Variants in RASA3 observed in about 807,000 individuals in gnomAD.
The protein encoded by RASA3 is ras GTPase-activating protein 3.
RASA3 carries 73 observed loss-of-function variants against 110.0 expected under a neutral mutation model. That is an observed-to-expected ratio of 0.66 (90% CI 0.55 to 0.81). The LOEUF (loss-of-function observed/expected upper bound fraction) is 0.81, where lower values mean the gene tolerates loss of function less well. RASA3 is among the 30% of genes least tolerant of loss of function. The pLI, the probability that RASA3 is intolerant of heterozygous loss-of-function variation, is 0.00. For synonymous variants in RASA3, 500 were observed against 451.4 expected (o/e 1.11, Z -1.37); for missense variants, 976 against 1,113.2 (o/e 0.88, Z 1.75).
At chr13:114,072,765 G>A (rs1000746778) in intron 2 of RASA3, among the ~76,000 whole-genome samples, 2 of 152,204 alleles carry the variant, frequency 1.3e-5, no homozygotes, top group African/African-American at 4.8e-5. Context: ...TAAGCAGGAG[G>A]AAAATGGGAA....
chr13:114,115,359 C>A lies in RASA3; in HGVS notation c.55+17076G>T, dbSNP rs2080263046. On this transcript the variant is annotated intron_variant, in intron 1 of 23. Transcript: ENST00000334062. This position sits in a 1 kb window ranked among gnomAD's most constrained non-coding sequence, Gnocchi z 5.0. ...CACAGAGGCTGGACAGTCACACCGACCCTTGGCCCGGGCGAGGCCACGTGT... is the reference window on the plus strand; with the variant it reads ...CACAGAGGCTGGACAGTCACACCGAACCTTGGCCCGGGCGAGGCCACGTGT... Among the ~76,000 whole-genome samples the A allele has an allele frequency of 6.6e-6, 1 of 152,202 alleles. No homozygotes were observed. Among genetic ancestry groups the A allele is most frequent in the Non-Finnish European group, 1.5e-5 (1 of 68,048 alleles).
At chr13:113,980,209 CAT>C (rs1437631079) in intron 23 of RASA3, among the ~76,000 whole-genome samples, 1 of 130,660 alleles carries the variant, frequency 7.7e-6, no homozygotes, top group Non-Finnish European at 1.6e-5. Context: ...CACCTCCTCC[CAT>C]GTGTGTGCAC....
intron 1 of RASA3, among the ~76,000 whole-genome samples, chr13:114,078,172 C>A (rs2079724495): frequency 6.6e-6 from 1 of 152,226 alleles, no homozygotes; most frequent in Admixed American, 6.5e-5. Flanking sequence ...TGCACCAGGA[C>A]CGAGCCTCTC....
chr13:114,124,149 C>T (rs2080416182), intron 1 of RASA3, among the ~76,000 whole-genome samples: 2 of 152,182 alleles, frequency 1.3e-5, no homozygotes, highest in South Asian at 2.1e-4. Context: ...GTGATACCAG[C>T]AGGGCACTGA....
intron 20 of RASA3, among the ~76,000 whole-genome samples, chr13:113,996,966 G>C (rs2053271130): frequency 6.6e-6 from 1 of 152,272 alleles, no homozygotes; most frequent in South Asian, 2.1e-4. Flanking sequence ...GTGGGGAATG[G>C]AGGTGAGAAC....
At chr13:114,064,712 G>C (rs191481944) in intron 2 of RASA3, among the ~76,000 whole-genome samples, 1 of 152,374 alleles carries the variant, frequency 6.6e-6, no homozygotes, top group Admixed American at 6.5e-5. Flanking sequence ...ACAGCCACCA[G>C]GTGCCCCCCT....
At position 114,057,721 on chromosome 13, in the gene RASA3, G is replaced by A. The variant is rs975723677; in HGVS notation, c.174-5566C>T. ...GTGGAGGCGGTTCCCCACCTTCTGG[G>A]GGCAGTTAACCTCTGAGAATGAACC... On this transcript the variant is annotated intron_variant, in intron 2 of 23. Coordinates refer to ENST00000334062, the MANE Select transcript of RASA3 (RefSeq NM_007368.4). The surrounding 1 kb of genome is among the most constrained non-coding windows in gnomAD (Gnocchi z 5.0). 5.9e-5 allele frequency among the ~76,000 whole-genome samples: 9 copies of A among 152,236 alleles called. No homozygotes were observed. The highest frequency in any genetic ancestry group is 2.2e-4 in the African/African-American group (9 of 41,548).
chr13:114,128,826 C>A (rs980233810), intron 1 of RASA3, among the ~76,000 whole-genome samples: 7 of 152,204 alleles, frequency 4.6e-5, no homozygotes, highest in African/African-American at 1.7e-4. Flanking sequence ...ACGGCAGGCC[C>A]GGCCTCCCAC....
rs565315627 is a variant in RASA3 at position 114,017,572 on chromosome 13, A to C, written c.1092-221T>G. Among the ~76,000 whole-genome samples the C allele has an allele frequency of 8.4e-4, 128 of 152,354 alleles. 1 individual carries two copies. Among genetic ancestry groups the C allele is most frequent in the African/African-American group, 3.0e-3 (123 of 41,588 alleles). On this transcript the variant is annotated intron_variant, in intron 11 of 23. Transcript: ENST00000334062. ...CACTGCCAGAGGGAACCGTTCGGCTACCTGCGTGGCCACCAGCTCAGGAGG... is the reference window on the plus strand; with the variant it reads ...CACTGCCAGAGGGAACCGTTCGGCTCCCTGCGTGGCCACCAGCTCAGGAGG...
chr13:114,027,366 C>T (rs3829340), intron 7 of RASA3, 23 bp downstream of exon 7: 1,008,395 of 1,566,100 alleles, frequency 0.64, 327,985 homozygotes, highest in African/African-American at 0.86. Flanking sequence ...TTCCACTTAA[C>T]GTTGACCCAT....
intron 1 of RASA3, among the ~76,000 whole-genome samples, chr13:114,113,646 C>T (rs563211082): frequency 6.6e-5 from 9 of 135,786 alleles, no homozygotes; most frequent in African/African-American, 2.2e-4. Flanking sequence ...CAGCTCACAC[C>T]GCGTCCATCA....
chr13:114,107,349 C>A (rs1336468998), intron 1 of RASA3, among the ~76,000 whole-genome samples: 1 of 145,676 alleles, frequency 6.9e-6, no homozygotes, highest in Non-Finnish European at 1.6e-5. Flanking sequence ...CTGACCCTCG[C>A]GGGGGACGGG....
intron 1 of RASA3, chr13:114,077,830 G>A (rs2079717345): frequency 1.0e-6 from 1 of 984,314 alleles, no homozygotes; most frequent in Non-Finnish European, 1.2e-6. Flanking sequence ...CTGTCATCTG[G>A]GGCTGAGACT....
intron 1 of RASA3, among the ~76,000 whole-genome samples, chr13:114,078,250 G>T (rs185207541): frequency 6.6e-6 from 1 of 152,158 alleles, no homozygotes; most frequent in Admixed American, 6.5e-5. Context: ...CTTCTCCACC[G>T]CACCCCAAAC....
chr13:113,990,711 G>A (rs1272249665), intron 22 of RASA3, among the ~76,000 whole-genome samples: 3 of 152,248 alleles, frequency 2.0e-5, no homozygotes, highest in African/African-American at 7.2e-5. Context: ...ATGTGTGGTT[G>A]TCTGCACATG....
At chr13:114,097,750 T>C (rs1472049304) in intron 1 of RASA3, among the ~76,000 whole-genome samples, 1 of 152,182 alleles carries the variant, frequency 6.6e-6, no homozygotes, top group East Asian at 1.9e-4. Flanking sequence ...CGGGAGCTGA[T>C]GTGCAGGTTT....
chr13:114,030,212 C>G lies in RASA3; in HGVS notation c.373-325G>C, dbSNP rs111375191. Among the ~76,000 whole-genome samples the G allele has an allele frequency of 6.7e-3, 1,021 of 152,368 alleles. 11 individuals are homozygous for G. Among genetic ancestry groups the G allele is most frequent in the African/African-American group, 0.023 (955 of 41,578 alleles). On this transcript the variant is annotated intron_variant, in intron 4 of 23. Transcript: ENST00000334062. ...ATTCAGTGAAGCAGACCCCCAAAGG[C>G]TCTGATGCTGCAGGCTGCTCGTGTG...
At chr13:114,120,540 C>CCCT (rs1362496492) in intron 1 of RASA3, among the ~76,000 whole-genome samples, 9 of 111,154 alleles carry the variant, frequency 8.1e-5, no homozygotes, top group African/African-American at 3.0e-4. Context: ...CAGGGCCCCT[C>CCCT]CCTCTCTCCA....
At chr13:114,125,229 T>C (rs1364965945) in intron 1 of RASA3, among the ~76,000 whole-genome samples, 1 of 152,198 alleles carries the variant, frequency 6.6e-6, no homozygotes, top group Non-Finnish European at 1.5e-5. Flanking sequence ...ACCGTTTCAG[T>C]TGGCGATTAC....
Sources: allele counts gnomAD v4.1 joint callset (sites outside exome capture counted in the v4.1 genomes callset), GRCh38; gene constraint gnomAD v4.1.1; non-coding constraint Gnocchi (gnomAD v3.1); transcripts MANE v1.5; gene names NCBI Gene and HGNC (gene_info 2026-07-23, HGNC 2026-07-21).